PCDH7: variants seen among roughly 807,000 people sequenced by gnomAD.
PCDH7 encodes the protein protocadherin-7.
Under a neutral mutation model 58.9 loss-of-function variants are expected in PCDH7, and 17 were observed. The ratio of observed to expected loss-of-function variants is 0.29; its 90% CI spans 0.20 to 0.43. PCDH7 has a LOEUF of 0.43. Among genes scored for constraint, PCDH7 ranks in the 20% least tolerant of loss-of-function variants. PCDH7 has a pLI of 1.00. For missense variants in PCDH7, 1,274 were observed against 1,441.0 expected, an observed-to-expected ratio of 0.88 and a Z score of 1.88; for synonymous variants, 664 against 616.4, an observed-to-expected ratio of 1.08 and a Z score of -1.14.
At chr4:31,106,618 C>A (rs530734622) in intron 3 of PCDH7, among the ~76,000 whole-genome samples, 1 of 152,314 alleles carries the variant, frequency 6.6e-6, no homozygotes, top group Non-Finnish European at 1.5e-5. Flanking sequence ...CATGTTACTT[C>A]CTATTTAACA....
intron 1 of PCDH7, among the ~76,000 whole-genome samples, chr4:30,894,512 T>C (rs1313979699): frequency 1.2e-4 from 6 of 50,342 alleles, no homozygotes; most frequent in African/African-American, 4.9e-4. Flanking sequence ...TATATATATA[T>C]ATATACACAC....
chr4:30,876,998 C>T (rs1003652379), intron 1 of PCDH7, among the ~76,000 whole-genome samples: 1 of 152,002 alleles, frequency 6.6e-6, no homozygotes, highest in African/African-American at 2.4e-5. Context: ...ATAATATCTC[C>T]CGCACAGTCC....
At chr4:30,751,633 T>C (rs1433053943) in intron 1 of PCDH7, among the ~76,000 whole-genome samples, 5 of 152,154 alleles carry the variant, frequency 3.3e-5, no homozygotes, top group Non-Finnish European at 7.4e-5. Flanking sequence ...ATATATATTT[T>C]GCATGGTCTC....
chr4:30,925,490 C>T (rs190470090), intron 2 of PCDH7, among the ~76,000 whole-genome samples: 2 of 152,322 alleles, frequency 1.3e-5, no homozygotes, highest in East Asian at 3.9e-4. Context: ...GGCATAAGCA[C>T]AATACCTAAA....
intron 1 of PCDH7, among the ~76,000 whole-genome samples, chr4:30,909,500 A>G (rs1484839344): frequency 1.3e-5 from 2 of 152,234 alleles, no homozygotes; most frequent in East Asian, 3.8e-4. Flanking sequence ...TACAAAATCA[A>G]TGTGCAAAAA....
At chr4:30,986,851 G>GC (rs1399673531) in intron 3 of PCDH7, among the ~76,000 whole-genome samples, 1 of 151,744 alleles carries the variant, frequency 6.6e-6, no homozygotes, top group African/African-American at 2.4e-5. Context: ...TGTGGTGGTG[G>GC]GCGCCTGTAG....
chr4:30,891,764 TG>T (rs1738632540), intron 1 of PCDH7, among the ~76,000 whole-genome samples: 1 of 76,556 alleles, frequency 1.3e-5, no homozygotes, highest in Non-Finnish European at 2.3e-5. Flanking sequence ...CTCTGAGGGT[TG>T]TTTTTTTGTT....
rs140376046 is a variant in PCDH7, at chr4:30,934,114, G to T, written c.287+13745G>T. On this transcript the variant is annotated intron_variant, in intron 2 of 3. Transcript: ENST00000509759. ...CATTTCTAGTTTCCTGGACAACATT[G>T]GTCCATCTCTTTCTCCCAGAATAAT... Among the ~76,000 whole-genome samples the T allele has an allele frequency of 3.3e-5, 5 of 152,232 alleles. No individual in the cohort carries two copies. The East Asian group carries it at 9.6e-4, about 29-fold the overall frequency.
intron 1 of PCDH7, chr4:30,793,816 C>A (rs1026353919): frequency 6.6e-6 from 1 of 152,086 alleles, no homozygotes; most frequent in East Asian, 1.9e-4. Context: ...AAAGAAGTAC[C>A]TTTCACTATT....
intron 3 of PCDH7, among the ~76,000 whole-genome samples, chr4:31,140,061 T>C (rs1720060955): frequency 6.6e-6 from 1 of 152,198 alleles, no homozygotes; most frequent in African/African-American, 2.4e-5. Flanking sequence ...AGGAAAGAAC[T>C]GAAGAGCATC....
chr4:31,009,586 G>T (rs376998224), intron 3 of PCDH7, among the ~76,000 whole-genome samples: 1 of 151,894 alleles, frequency 6.6e-6, no homozygotes, highest in Non-Finnish European at 1.5e-5. Flanking sequence ...CTGTGACTTA[G>T]ATATGTCATT....
intron 3 of PCDH7, among the ~76,000 whole-genome samples, chr4:31,041,281 G>T (rs1048738655): frequency 3.3e-5 from 5 of 152,072 alleles, no homozygotes; most frequent in African/African-American, 7.2e-5. Context: ...AGAATTGTTT[G>T]CTTGGTTATT....
chr4:30,785,963 C>T (rs997584507), intron 1 of PCDH7, among the ~76,000 whole-genome samples: 5 of 151,864 alleles, frequency 3.3e-5, no homozygotes, highest in Non-Finnish European at 7.4e-5. Context: ...TTTCTGGCAC[C>T]GAAAGTAGAA....
chr4:31,041,239 T>A (rs1031905639), intron 3 of PCDH7, among the ~76,000 whole-genome samples: 1 of 152,194 alleles, frequency 6.6e-6, no homozygotes, highest in Non-Finnish European at 1.5e-5. Context: ...TCATGGGAGT[T>A]ACCTAGTGTA....
chr4:30,759,740 A>G (rs1719783301), intron 1 of PCDH7, among the ~76,000 whole-genome samples: 1 of 152,188 alleles, frequency 6.6e-6, no homozygotes, highest in African/African-American at 2.4e-5. Flanking sequence ...TGAAAGATTC[A>G]TATAAATGAA....
intron 1 of PCDH7, among the ~76,000 whole-genome samples, chr4:30,756,413 T>C (rs529768138): frequency 6.6e-6 from 1 of 152,094 alleles, no homozygotes; most frequent in Non-Finnish European, 1.5e-5. Context: ...ACCCGGAAGA[T>C]GAGGAAACTG....
intron 1 of PCDH7, among the ~76,000 whole-genome samples, chr4:30,859,642 G>T (rs1733940786): frequency 6.6e-6 from 1 of 151,950 alleles, no homozygotes; most frequent in Admixed American, 6.6e-5. Flanking sequence ...GTTTCACCAT[G>T]TTGGCCAGGC....
rs1276850270 is a variant in PCDH7, at chr4:30,722,385, C to A, written c.963C>A (p.Ser321Arg). Reference sequence around the variant, plus strand: ...ACGAGGCCGACTTGGCTGAGAACAGCGCCCCGGGGACCCCCATCCTGCAAC... The same window carrying A: ...ACGAGGCCGACTTGGCTGAGAACAGAGCCCCGGGGACCCCCATCCTGCAAC... The change falls in exon 1 of 2, where the codon AGC becomes AGA. Residue 321 changes from serine (S) to arginine (R), a missense_variant. Transcript: ENST00000361762. The surrounding 1 kb of genome is among the most constrained non-coding windows in gnomAD (Gnocchi z 7.6). The A allele has an allele frequency of 1.2e-6, 2 of 1,612,436 alleles. No homozygotes were observed. The highest frequency in any genetic ancestry group is 3.3e-5 in the Admixed American group (2 of 59,994).
intron 3 of PCDH7, among the ~76,000 whole-genome samples, chr4:31,133,503 G>A (rs937356747): frequency 2.0e-5 from 3 of 152,104 alleles, no homozygotes; most frequent in Non-Finnish European, 4.4e-5. Context: ...TGGAATATAT[G>A]CCCCTGTCTG....
Sources: allele counts gnomAD v4.1 joint callset (sites outside exome capture counted in the v4.1 genomes callset), GRCh38; gene constraint gnomAD v4.1.1; non-coding constraint Gnocchi (gnomAD v3.1); transcripts MANE v1.5; gene names NCBI Gene and HGNC (gene_info 2026-07-23, HGNC 2026-07-21).